Variants in GSK3B observed in about 807,000 individuals in gnomAD.
The protein encoded by GSK3B is glycogen synthase kinase-3 beta.
In GSK3B, 15 loss-of-function variants were observed where a neutral mutation model predicts 56.4. That is an observed-to-expected ratio of 0.27 (90% CI 0.18 to 0.41). The LOEUF (loss-of-function observed/expected upper bound fraction) is 0.41, where lower values mean the gene tolerates loss of function less well. GSK3B is among the 10% of genes least tolerant of loss of function. The pLI, the probability that GSK3B is intolerant of heterozygous loss-of-function variation, is 1.00. For synonymous variants in GSK3B, 181 were observed against 188.9 expected (o/e 0.96, Z 0.34); for missense variants, 300 against 513.4 (o/e 0.58, Z 4.02).
intron 2 of GSK3B, among the ~76,000 whole-genome samples, chr3:119,956,409 G>T (rs2057215437): frequency 6.6e-6 from 1 of 152,122 alleles, no homozygotes; most frequent in Non-Finnish European, 1.5e-5. Flanking sequence ...AAATGCTTGG[G>T]ACCAAAAGTG....
intron 9 of GSK3B, among the ~76,000 whole-genome samples, chr3:119,846,121 T>C (rs1200422639): frequency 6.6e-6 from 1 of 152,202 alleles, no homozygotes; most frequent in African/African-American, 2.4e-5. Flanking sequence ...ACTGGACCCC[T>C]TCCTTATACC....
At chr3:120,039,082 T>C (rs1210384790) in intron 1 of GSK3B, among the ~76,000 whole-genome samples, 1 of 152,178 alleles carries the variant, frequency 6.6e-6, no homozygotes, top group South Asian at 2.1e-4. Flanking sequence ...AATAAGCATA[T>C]GAAAAGATGC....
chr3:119,935,873 A>G (rs1285554724), intron 3 of GSK3B, among the ~76,000 whole-genome samples: 1 of 152,230 alleles, frequency 6.6e-6, no homozygotes, highest in African/African-American at 2.4e-5. Flanking sequence ...CTGTTTAGCA[A>G]CATATAAAAA....
chr3:119,856,407 T>G (rs1299218282), intron 9 of GSK3B, among the ~76,000 whole-genome samples: 1 of 152,212 alleles, frequency 6.6e-6, no homozygotes, highest in African/African-American at 2.4e-5. Flanking sequence ...TAGTGTTTGA[T>G]TGTTTGTTCC....
chr3:119,962,458 T>C (rs961962350), intron 2 of GSK3B, among the ~76,000 whole-genome samples: 2 of 151,888 alleles, frequency 1.3e-5, no homozygotes, highest in African/African-American at 4.8e-5. Flanking sequence ...ACAGAAAACT[T>C]TTCCTCTAAG....
chr3:119,920,518 C>G (rs576900146), intron 4 of GSK3B, among the ~76,000 whole-genome samples: 2 of 152,206 alleles, frequency 1.3e-5, no homozygotes, highest in Non-Finnish European at 2.9e-5. Context: ...TGCTGGATTA[C>G]AGGCATGAGC....
intron 2 of GSK3B, among the ~76,000 whole-genome samples, chr3:119,968,197 T>A (rs1307585633): frequency 6.6e-6 from 1 of 152,098 alleles, no homozygotes; most frequent in Non-Finnish European, 1.5e-5. Context: ...GGGCTCCCTA[T>A]GTTGCCCAGG....
At chr3:119,900,581 C>T (rs2056614909) in intron 7 of GSK3B, among the ~76,000 whole-genome samples, 1 of 152,000 alleles carries the variant, frequency 6.6e-6, no homozygotes, top group Admixed American at 6.6e-5. Flanking sequence ...CCAAAACTTC[C>T]TAGATTGCTT....
At chr3:119,891,935 T>C (rs2056507186) in intron 7 of GSK3B, among the ~76,000 whole-genome samples, 2 of 152,172 alleles carry the variant, frequency 1.3e-5, no homozygotes, top group Non-Finnish European at 2.9e-5. Context: ...AATCAATTTA[T>C]CTGTTCCTGG....
chr3:120,000,708 C>T (rs527754055), intron 2 of GSK3B, among the ~76,000 whole-genome samples: 47 of 151,650 alleles, frequency 3.1e-4, no homozygotes, highest in Non-Finnish European at 6.0e-4. Flanking sequence ...ATCTGAGCTT[C>T]CATGCATAGG....
intron 8 of GSK3B, among the ~76,000 whole-genome samples, chr3:119,871,554 T>C (rs1030907534): frequency 4.6e-5 from 7 of 152,168 alleles, no homozygotes; most frequent in African/African-American, 1.7e-4. Flanking sequence ...AGTTATGTGG[T>C]AGGATAATCA....
At chr3:119,967,221 G>T (rs899753617) in intron 2 of GSK3B, among the ~76,000 whole-genome samples, 1 of 152,088 alleles carries the variant, frequency 6.6e-6, no homozygotes, top group East Asian at 1.9e-4. Context: ...GGGACTACAG[G>T]CGTGTGCCAC....
At chr3:119,923,537 TTAAA>T (rs2056863731) in intron 3 of GSK3B, 54 bp from the exon 4 acceptor site, 3 of 781,746 alleles carry the variant, frequency 3.8e-6, no homozygotes, top group South Asian at 1.8e-5. Flanking sequence ...AAACTGGTCT[TTAAA>T]TATTCAAATT....
At position 120,073,956 on chromosome 3, in the gene GSK3B, C is replaced by T. The variant is rs2058348137; in HGVS notation, c.88+19391G>A. Reference sequence around the variant, plus strand: ...TAGACTACACAAAAAGAGAGGAGTCCAAAATACACAAAATGAGAAATGAAA... The same window carrying T: ...TAGACTACACAAAAAGAGAGGAGTCTAAAATACACAAAATGAGAAATGAAA... On this transcript the variant is annotated intron_variant, in intron 1 of 10. Coordinates refer to ENST00000264235, the MANE Select transcript of GSK3B (RefSeq NM_001146156.2). 3.3e-5 allele frequency among the ~76,000 whole-genome samples: 5 copies of T among 151,866 alleles called. No homozygotes were observed. In the South Asian group the frequency reaches 1.0e-3, roughly 32 times the overall value.
intron 1 of GSK3B, among the ~76,000 whole-genome samples, chr3:120,005,517 C>A (rs955174569): frequency 6.6e-6 from 1 of 152,124 alleles, no homozygotes; most frequent in African/African-American, 2.4e-5. Context: ...ATGTTAAGGG[C>A]AGCCAGAGAA....
At chr3:120,064,633 C>T (rs1344502267) in intron 1 of GSK3B, among the ~76,000 whole-genome samples, 1 of 151,972 alleles carries the variant, frequency 6.6e-6, no homozygotes, top group African/African-American at 2.4e-5. Flanking sequence ...TCCCAAAGGC[C>T]TTTTCTGCAG....
chr3:120,036,397 G>A (rs2058022981), intron 1 of GSK3B, among the ~76,000 whole-genome samples: 1 of 152,102 alleles, frequency 6.6e-6, no homozygotes. Flanking sequence ...CATCAGTTTT[G>A]TTGTTGCAAT....
At chr3:120,005,711 C>T (rs1035376975) in intron 1 of GSK3B, among the ~76,000 whole-genome samples, 9 of 152,278 alleles carry the variant, frequency 5.9e-5, no homozygotes, top group South Asian at 2.1e-4. Context: ...AAATCCTTTA[C>T]GGACAAGCAA....
intron 3 of GSK3B, among the ~76,000 whole-genome samples, chr3:119,930,677 T>G (rs777919578): frequency 5.3e-5 from 8 of 152,292 alleles, no homozygotes; most frequent in Admixed American, 1.3e-4. Context: ...CAGATCAAAC[T>G]TGACAGTAAT....
Sources: allele counts gnomAD v4.1 joint callset (sites outside exome capture counted in the v4.1 genomes callset), GRCh38; gene constraint gnomAD v4.1.1; transcripts MANE v1.5; gene names NCBI Gene and HGNC (gene_info 2026-07-23, HGNC 2026-07-21).